Variants in CDH12 observed in about 807,000 individuals in gnomAD.
The protein encoded by CDH12 is cadherin-12.
CDH12 carries 41 observed loss-of-function variants against 74.1 expected under a neutral mutation model. The ratio of observed to expected loss-of-function variants is 0.55; its 90% CI spans 0.43 to 0.72. CDH12 has a LOEUF of 0.72. Among genes scored for constraint, CDH12 ranks in the 30% least tolerant of loss-of-function variants. CDH12 has a pLI of 0.00. For synonymous variants in CDH12, 399 were observed against 355.0 expected, an observed-to-expected ratio of 1.12 and a Z score of -1.39; for missense variants, 945 against 977.2, an observed-to-expected ratio of 0.97 and a Z score of 0.44.
intron 1 of CDH12, among the ~76,000 whole-genome samples, chr5:22,629,146 T>A (rs1366975508): frequency 6.6e-6 from 1 of 152,010 alleles, no homozygotes; most frequent in Non-Finnish European, 1.5e-5. Context: ...ACTAGATGGA[T>A]GCACAGCCAG....
intron 1 of CDH12, among the ~76,000 whole-genome samples, chr5:22,721,911 T>C (rs1743917298): frequency 6.6e-6 from 1 of 152,148 alleles, no homozygotes; most frequent in Admixed American, 6.5e-5. Context: ...TGATTGTAAG[T>C]TTCCTGATGC....
At chr5:22,342,572 C>A (rs1197888131) in intron 3 of CDH12, among the ~76,000 whole-genome samples, 1 of 121,304 alleles carries the variant, frequency 8.2e-6, no homozygotes, top group African/African-American at 2.9e-5. Flanking sequence ...TCCTCCCTCC[C>A]TCCCTCCATC....
chr5:22,442,961 T>A (rs960084731), intron 2 of CDH12, among the ~76,000 whole-genome samples: 1 of 151,552 alleles, frequency 6.6e-6, no homozygotes, highest in Non-Finnish European at 1.5e-5. Context: ...AGACAACACA[T>A]TGAATGTTTT....
chr5:22,687,873 G>A (rs559933544), intron 1 of CDH12, among the ~76,000 whole-genome samples: 77 of 152,016 alleles, frequency 5.1e-4, no homozygotes, highest in Non-Finnish European at 9.9e-4. Flanking sequence ...TAATCAAAAA[G>A]AACAGCAAAT....
chr5:22,559,236 A>G (rs1050486634), intron 1 of CDH12, among the ~76,000 whole-genome samples: 1 of 152,240 alleles, frequency 6.6e-6, no homozygotes, highest in South Asian at 2.1e-4. Context: ...CTGGTTGTAC[A>G]GGAATCTCAA....
intron 3 of CDH12, among the ~76,000 whole-genome samples, chr5:22,219,440 C>T (rs983058983): frequency 4.0e-5 from 6 of 151,798 alleles, no homozygotes; most frequent in Middle Eastern, 3.4e-3. Context: ...CCAGTTTCCT[C>T]TCATGTCAAC....
chr5:22,684,434 G>T lies in CDH12; in HGVS notation c.-523+168624C>A, dbSNP rs150423979. On this transcript the variant is annotated intron_variant, in intron 1 of 14. Transcript: ENST00000382254. The stretch of plus-strand genomic sequence containing the variant: ...CTTCTGACTAATACTGTAAGAAAAA[G>T]AAATATTTGTGAGTTAAAAGGTGAG... 1.0e-3 allele frequency among the ~76,000 whole-genome samples: 157 copies of T among 152,260 alleles called. 1 individual carries two copies. Among genetic ancestry groups the T allele is most frequent in the African/African-American group, 3.7e-3 (154 of 41,552 alleles).
At chr5:22,471,402 A>T (rs1026571763) in intron 2 of CDH12, among the ~76,000 whole-genome samples, 1 of 152,164 alleles carries the variant, frequency 6.6e-6, no homozygotes, top group Non-Finnish European at 1.5e-5. Context: ...CTCTTACAAT[A>T]GCCTTCCATA....
chr5:21,783,316 A>G (rs749957358), intron 11 of CDH12, 42 bp downstream of exon 11: 1 of 1,564,852 alleles, frequency 6.4e-7, no homozygotes, highest in Non-Finnish European at 8.7e-7. Flanking sequence ...TTAAATCCAA[A>G]GAACTGCAGT....
chr5:21,883,350 G>A (rs879122594), intron 6 of CDH12: 11 of 1,530,190 alleles, frequency 7.2e-6, no homozygotes, highest in South Asian at 5.6e-5. Flanking sequence ...AATTTCTAGT[G>A]TCCAGTCCAT....
intron 4 of CDH12, among the ~76,000 whole-genome samples, chr5:22,177,879 G>C (rs949619568): frequency 3.9e-5 from 6 of 152,120 alleles, no homozygotes; most frequent in Admixed American, 1.3e-4. Context: ...AAATTAAAAG[G>C]TAGCTAGCTT....
chr5:22,138,873 T>TATATATATATATATATAC (rs1561151408), intron 4 of CDH12, among the ~76,000 whole-genome samples: 5 of 139,412 alleles, frequency 3.6e-5, no homozygotes, highest in Middle Eastern at 3.6e-3. Flanking sequence ...TATATATATA[T>TATATATATATATATATAC]ATACATGTTG....
In CDH12 at chr5:22,785,052, C is replaced by A. The variant is rs147823979; in HGVS notation, c.-523+68006G>T. On this transcript the variant is annotated intron_variant, in intron 1 of 14. Transcript: ENST00000382254. ...TTTGATTTTTGTGTACGGCCCCTAACAAATCGAAGGAAGGAGGTTATGATG... is the reference window on the plus strand; with the variant it reads ...TTTGATTTTTGTGTACGGCCCCTAAAAAATCGAAGGAAGGAGGTTATGATG... 5.3e-3 allele frequency among the ~76,000 whole-genome samples: 810 copies of A among 152,202 alleles called. 4 individuals carry two copies. Among genetic ancestry groups the A allele is most frequent in the South Asian group, 8.3e-3 (40 of 4,824 alleles).
At chr5:22,366,773 A>G (rs112924488) in intron 3 of CDH12, among the ~76,000 whole-genome samples, 1 of 152,214 alleles carries the variant, frequency 6.6e-6, no homozygotes, top group Non-Finnish European at 1.5e-5. Flanking sequence ...TAGATAGAGT[A>G]TATTCATTTA....
At chr5:22,293,211 G>T (rs909871483) in intron 3 of CDH12, among the ~76,000 whole-genome samples, 1 of 152,172 alleles carries the variant, frequency 6.6e-6, no homozygotes, top group African/African-American at 2.4e-5. Context: ...TGTGCGGTCT[G>T]ACCCCAGCCA....
At chr5:22,048,296 G>A (rs1331048558) in intron 5 of CDH12, among the ~76,000 whole-genome samples, 1 of 152,118 alleles carries the variant, frequency 6.6e-6, no homozygotes, top group Non-Finnish European at 1.5e-5. Context: ...AGAAGCAAAA[G>A]GTAAAAAGAC....
rs1480637912 is a variant in CDH12, at chr5:22,551,771, C to T, written c.-522-46407G>A. 2.0e-5 allele frequency among the ~76,000 whole-genome samples: 3 copies of T among 146,924 alleles called. No individual in the cohort carries two copies. In the Admixed American group the frequency reaches 2.3e-4, roughly 11 times the overall value. On this transcript the variant is annotated intron_variant, in intron 1 of 14. Transcript: ENST00000382254. Reference sequence around the variant, plus strand: ...AATAATTGTTGTTTATTTAAAATAACAGCTGTGCAAAAGAGATCAATAGAT... The same window carrying T: ...AATAATTGTTGTTTATTTAAAATAATAGCTGTGCAAAAGAGATCAATAGAT...
chr5:21,957,448 T>C (rs1756152966), intron 6 of CDH12, among the ~76,000 whole-genome samples: 1 of 152,146 alleles, frequency 6.6e-6, no homozygotes, highest in African/African-American at 2.4e-5. Flanking sequence ...CGATTGCTGG[T>C]TGGAATGGTA....
intron 3 of CDH12, among the ~76,000 whole-genome samples, chr5:22,301,493 T>C (rs1449217361): frequency 6.6e-6 from 1 of 152,162 alleles, no homozygotes; most frequent in African/African-American, 2.4e-5. Context: ...ACTTGCATTC[T>C]ACAAAAGAGC....
Sources: gnomAD v4.1 joint callset for allele counts (sites outside exome capture counted in the v4.1 genomes callset) on GRCh38, gnomAD v4.1.1 for gene constraint, MANE v1.5 for transcripts, NCBI Gene and HGNC (gene_info 2026-07-23, HGNC 2026-07-21) for gene names.